MGLL: variants seen among roughly 807,000 people sequenced by gnomAD.
MGLL encodes monoglyceride lipase.
In MGLL, 7 loss-of-function variants were observed where a neutral mutation model predicts 29.1. The ratio of observed to expected loss-of-function variants is 0.24; its 90% CI spans 0.14 to 0.45. The LOEUF (loss-of-function observed/expected upper bound fraction) is 0.45. MGLL is among the 20% of genes least tolerant of loss of function. MGLL has a pLI of 0.99. For missense variants in MGLL, 356 were observed against 413.6 expected, an observed-to-expected ratio of 0.86 and a Z score of 1.21; for synonymous variants, 148 against 168.3, an observed-to-expected ratio of 0.88 and a Z score of 0.93.
chr3:127,779,944 T>C (rs957051906), intron 3 of MGLL, among the ~76,000 whole-genome samples: 1 of 152,218 alleles, frequency 6.6e-6, no homozygotes, highest in African/African-American at 2.4e-5. Flanking sequence ...CACAGTCAAC[T>C]GGGTTCATTT....
intron 3 of MGLL, among the ~76,000 whole-genome samples, chr3:127,770,509 C>G (rs943425260): frequency 2.0e-5 from 3 of 152,174 alleles, no homozygotes; most frequent in African/African-American, 7.2e-5. Context: ...TGGAACTTCC[C>G]TCATCCACTC....
At chr3:127,784,765 C>T (rs953095483) in intron 2 of MGLL, among the ~76,000 whole-genome samples, 4 of 152,148 alleles carry the variant, frequency 2.6e-5, no homozygotes, top group Non-Finnish European at 4.4e-5. Context: ...GCCTGGACCC[C>T]GATTCAGATA....
intron 3 of MGLL, among the ~76,000 whole-genome samples, chr3:127,734,410 G>C (rs1020619007): frequency 6.6e-6 from 1 of 152,120 alleles, no homozygotes; most frequent in African/African-American, 2.4e-5. Context: ...TCCCATCAGG[G>C]GTCTGCAGTG....
At chr3:127,807,703 T>G (rs2077590190) in intron 2 of MGLL, among the ~76,000 whole-genome samples, 1 of 151,274 alleles carries the variant, frequency 6.6e-6, no homozygotes, top group Non-Finnish European at 1.5e-5. Context: ...CATTTTATGA[T>G]GTTTTCTGAC....
chr3:127,723,189 G>T (rs1027659501), intron 3 of MGLL, among the ~76,000 whole-genome samples: 1 of 152,176 alleles, frequency 6.6e-6, no homozygotes, highest in Admixed American at 6.5e-5. Flanking sequence ...TCACCCCCTT[G>T]TTCTTTCCTT....
In MGLL at chr3:127,692,248, T is replaced by C. The variant is rs2075261854; in HGVS notation, c.892A>G (p.Met298Val). ...VTNSVFHEIN[M>V]WVSQRTATAG... ...GTGGCTGTCCTTTGAGAGACCCACATGTTTATTTCATGGAAGACGGAGTTG... is the reference window on the plus strand; with the variant it reads ...GTGGCTGTCCTTTGAGAGACCCACACGTTTATTTCATGGAAGACGGAGTTG... Residue 298 changes from methionine (M) to valine (V), a missense_variant, in exon 8 of 8, where the codon ATG becomes GTG. Physicochemically the swap from Met to Val is conservative, Grantham distance 21. Coordinates refer to ENST00000265052, the MANE Select transcript of MGLL (RefSeq NM_007283.7). The C allele has an allele frequency of 6.2e-7, 1 of 1,614,142 alleles. No homozygotes were observed. The highest frequency in any genetic ancestry group is 8.5e-7 in the Non-Finnish European group (1 of 1,179,980).
In MGLL at chr3:127,761,370, G is replaced by A. The variant is rs1240775829; in HGVS notation, c.262+20419C>T. Among the ~76,000 whole-genome samples the A allele has an allele frequency of 6.6e-6, 1 of 152,206 alleles. No individual in the cohort carries two copies. Among genetic ancestry groups the A allele is most frequent in the African/African-American group, 2.4e-5 (1 of 41,446 alleles). ...GTGTTGGGGGTGCTGGCTTAGTTTA[G>A]GGTGGGGATGAGAAGCTTTGAGGGA... On this transcript the variant is annotated intron_variant, in intron 3 of 7. Coordinates refer to ENST00000265052, the MANE Select transcript of MGLL (RefSeq NM_007283.7). The surrounding 1 kb of genome is among the most constrained non-coding windows in gnomAD (Gnocchi z 4.6).
At position 127,706,058 on chromosome 3, in the gene MGLL, C is replaced by T. The variant is rs541565921; in HGVS notation, c.600+4518G>A. On this transcript the variant is annotated intron_variant, in intron 6 of 7. Coordinates refer to ENST00000265052, the MANE Select transcript of MGLL (RefSeq NM_007283.7). ...AGCATGGTTCCTCCAAAATTACCAG[C>T]AGAATATGACCCAGCAATCCCACTT... 4.6e-5 allele frequency among the ~76,000 whole-genome samples: 7 copies of T among 152,258 alleles called. No individual in the cohort carries two copies. The South Asian group carries it at 1.5e-3, about 32-fold the overall frequency.
intron 3 of MGLL, among the ~76,000 whole-genome samples, chr3:127,726,126 A>G (rs2076027389): frequency 8.1e-5 from 2 of 24,708 alleles, no homozygotes; most frequent in South Asian, 2.2e-3. Flanking sequence ...GCAGGAAAGA[A>G]AGAAAGAAAG....
At chr3:127,717,468 C>T (rs981134054) in intron 5 of MGLL, among the ~76,000 whole-genome samples, 25 of 152,272 alleles carry the variant, frequency 1.6e-4, no homozygotes, top group African/African-American at 5.8e-4. Flanking sequence ...CCTTCCAGGG[C>T]GGTGCTGGAG....
At chr3:127,750,906 G>A (rs1048268567) in intron 3 of MGLL, among the ~76,000 whole-genome samples, 2 of 152,204 alleles carry the variant, frequency 1.3e-5, no homozygotes, top group African/African-American at 2.4e-5. Flanking sequence ...TGTAATTGGA[G>A]TTAGTGCCTT....
chr3:127,700,321 A>C (rs1407695985), intron 6 of MGLL, among the ~76,000 whole-genome samples: 1 of 152,174 alleles, frequency 6.6e-6, no homozygotes, highest in Non-Finnish European at 1.5e-5. Context: ...GGATGAGAGA[A>C]TCCTCCTGTG....
intron 6 of MGLL, among the ~76,000 whole-genome samples, chr3:127,698,247 G>A (rs1293436252): frequency 1.3e-5 from 2 of 152,218 alleles, no homozygotes; most frequent in Non-Finnish European, 2.9e-5. Context: ...GGAGGTTGGG[G>A]AGGGCTGTAC....
intron 3 of MGLL, among the ~76,000 whole-genome samples, chr3:127,755,450 T>C (rs2107675497): frequency 6.6e-6 from 1 of 152,286 alleles, no homozygotes; most frequent in South Asian, 2.1e-4. Context: ...GGAGACACGA[T>C]ATGCCAGTTG....
chr3:127,789,372 C>T (rs1370798726), intron 2 of MGLL, among the ~76,000 whole-genome samples: 1 of 152,216 alleles, frequency 6.6e-6, no homozygotes, highest in Non-Finnish European at 1.5e-5. Flanking sequence ...GAATTAGACT[C>T]ATCATCCCTG....
chr3:127,694,709 C>T (rs2075322527), intron 7 of MGLL, among the ~76,000 whole-genome samples: 1 of 152,214 alleles, frequency 6.6e-6, no homozygotes, highest in African/African-American at 2.4e-5. Flanking sequence ...TTGCAGATTC[C>T]TTTCTTGCCT....
intron 3 of MGLL, chr3:127,736,372 AAGGC>A (rs1180968135): frequency 2.0e-6 from 2 of 985,432 alleles, no homozygotes; most frequent in African/African-American, 1.7e-5. Flanking sequence ...GCTTCCAGAA[AAGGC>A]AGGAGTTGGG....
At chr3:127,724,860 G>A (rs1288994979) in intron 3 of MGLL, among the ~76,000 whole-genome samples, 1 of 151,574 alleles carries the variant, frequency 6.6e-6, no homozygotes, top group African/African-American at 2.4e-5. Flanking sequence ...CAACCCTGGG[G>A]ACGTAGTATC....
In MGLL at chr3:127,692,088, T is replaced by G; in HGVS notation, c.*110A>C. On this transcript the variant is annotated 3_prime_UTR_variant, in exon 8 of 8. Coordinates refer to ENST00000265052, the MANE Select transcript of MGLL (RefSeq NM_007283.7). ...AAAATTGTGCTAAGGATTTCTCCAATTTCTGATTTTTTTTTTTTTTTTTTT... is the reference window on the plus strand; with the variant it reads ...AAAATTGTGCTAAGGATTTCTCCAAGTTCTGATTTTTTTTTTTTTTTTTTT... 8.3e-7 allele frequency: 1 copy of G among 1,207,832 alleles called. No homozygotes were observed. Among genetic ancestry groups the G allele is most frequent in the Non-Finnish European group, 1.1e-6 (1 of 870,378 alleles). The allele number at this position is 1,207,832 out of a possible 1,614,324, so 74.8% of individuals were successfully genotyped here.
Sources: allele counts gnomAD v4.1 joint callset (sites outside exome capture counted in the v4.1 genomes callset), GRCh38; gene constraint gnomAD v4.1.1; non-coding constraint Gnocchi (gnomAD v3.1); transcripts MANE v1.5; gene names NCBI Gene and HGNC (gene_info 2026-07-23, HGNC 2026-07-21).